MKLN1: variants seen among roughly 807,000 people sequenced by gnomAD.
The protein encoded by MKLN1 is muskelin 1, also known as muskelin.
In MKLN1, 18 loss-of-function variants were observed where a neutral mutation model predicts 99.0. That is an observed-to-expected ratio of 0.18 (90% CI 0.13 to 0.27). The LOEUF is 0.27. MKLN1 is among the 10% of genes least tolerant of loss of function. The pLI, the probability that MKLN1 is intolerant of heterozygous loss-of-function variation, is 1.00. For synonymous variants in MKLN1, 288 were observed against 293.2 expected (o/e 0.98, Z 0.18); for missense variants, 621 against 875.9 (o/e 0.71, Z 3.67).
At chr7:131,273,590 T>C (rs774463933) in intron 3 of MKLN1, among the ~76,000 whole-genome samples, 1 of 152,042 alleles carries the variant, frequency 6.6e-6, no homozygotes, top group Non-Finnish European at 1.5e-5. Context: ...GCTTTGTCTG[T>C]CTAAAGGATC....
intron 16 of MKLN1, among the ~76,000 whole-genome samples, chr7:131,475,527 A>G (rs910009957): frequency 2.6e-5 from 4 of 152,194 alleles, no homozygotes; most frequent in Non-Finnish European, 4.4e-5. Flanking sequence ...TAAAATCCCA[A>G]CAGAAGCTGG....
chr7:131,129,549 T>A (rs539677054), intron 1 of MKLN1, among the ~76,000 whole-genome samples: 46 of 152,314 alleles, frequency 3.0e-4, no homozygotes, highest in African/African-American at 1.1e-3. Flanking sequence ...ATGGAAGATA[T>A]CATGACATCA....
At chr7:131,187,139 C>T (rs979294882) in intron 2 of MKLN1, among the ~76,000 whole-genome samples, 1 of 152,176 alleles carries the variant, frequency 6.6e-6, no homozygotes, top group Non-Finnish European at 1.5e-5. Context: ...TGAAACAAAA[C>T]AAATGAGACA....
intron 2 of MKLN1, among the ~76,000 whole-genome samples, chr7:131,160,170 T>TAATA (rs1390308641): frequency 6.6e-6 from 1 of 152,240 alleles, no homozygotes; most frequent in African/African-American, 2.4e-5. Context: ...TGGAATCATG[T>TAATA]AATATGTGGC....
chr7:131,313,767 T>G (rs1162276408), intron 3 of MKLN1, among the ~76,000 whole-genome samples: 1 of 152,240 alleles, frequency 6.6e-6, no homozygotes, highest in Non-Finnish European at 1.5e-5. Context: ...TCCAGTTGGA[T>G]CACTGAGCTC....
intron 3 of MKLN1, among the ~76,000 whole-genome samples, chr7:131,252,462 G>A (rs886804855): frequency 6.6e-6 from 1 of 150,992 alleles, no homozygotes; most frequent in African/African-American, 2.4e-5. Context: ...CCGAGTAGCT[G>A]GGACTACAGG....
At chr7:131,136,891 G>A (rs1484748381) in intron 1 of MKLN1, among the ~76,000 whole-genome samples, 4 of 152,190 alleles carry the variant, frequency 2.6e-5, no homozygotes, top group Non-Finnish European at 4.4e-5. Context: ...CCACATTTGC[G>A]TGTAGTTCAA....
chr7:131,118,950 C>T (rs1419374008), intron 1 of MKLN1, among the ~76,000 whole-genome samples: 1 of 152,106 alleles, frequency 6.6e-6, no homozygotes, highest in Non-Finnish European at 1.5e-5. Flanking sequence ...CCATCCTGGC[C>T]CCTCCCACAT....
chr7:131,243,885 C>T lies in MKLN1; in HGVS notation c.-179+40911C>T, dbSNP rs113742236. Among the ~76,000 whole-genome samples the T allele has an allele frequency of 6.0e-3, 917 of 152,028 alleles. 7 individuals carry two copies. The highest frequency in any genetic ancestry group is 0.021 in the African/African-American group (875 of 41,460). ...AAAAAATTAGCTGGGCATGGTGGCA[C>T]GTTCCTGTAATCCCAGCTACTCAGG... On this transcript the variant is annotated intron_variant, in intron 3 of 7. Transcript: ENST00000416992.
At chr7:131,202,146 C>CTTTTTTTTTTTTTTTTTTTTT (rs58800874) in intron 2 of MKLN1, among the ~76,000 whole-genome samples, 3 of 60,274 alleles carry the variant, frequency 5.0e-5, no homozygotes, top group Admixed American at 2.2e-4. Flanking sequence ...GCACTATTGA[C>CTTTTTTTTTTTTTTTTTTTTT]TTTTTTTTTT....
intron 2 of MKLN1, among the ~76,000 whole-genome samples, chr7:131,151,122 A>G (rs964069017): frequency 6.6e-6 from 1 of 152,184 alleles, no homozygotes; most frequent in Non-Finnish European, 1.5e-5. Context: ...ATGGCCTTAC[A>G]TTTATTTCAG....
At chr7:131,358,745 CTT>C (rs1799948541) in intron 1 of MKLN1, among the ~76,000 whole-genome samples, 1 of 152,028 alleles carries the variant, frequency 6.6e-6, no homozygotes, top group Admixed American at 6.5e-5. Flanking sequence ...GCTTTCTCGA[CTT>C]TTGGTAGTTT....
intron 1 of MKLN1, among the ~76,000 whole-genome samples, chr7:131,337,158 T>C (rs1014734853): frequency 1.3e-5 from 2 of 152,156 alleles, no homozygotes; most frequent in Non-Finnish European, 2.9e-5. Context: ...CATTCTCTTT[T>C]TCTTTAAGTT....
intron 2 of MKLN1, among the ~76,000 whole-genome samples, chr7:131,189,674 G>A (rs1276875523): frequency 1.3e-5 from 2 of 152,112 alleles, no homozygotes; most frequent in African/African-American, 4.8e-5. Context: ...CTCAGACTTC[G>A]TGGAGCTGCC....
In MKLN1 at chr7:131,487,368, C is replaced by T. The variant is rs1312958890; in HGVS notation, c.2087-239C>T. On this transcript the variant is annotated intron_variant, in intron 17 of 17. Coordinates refer to ENST00000352689, the MANE Select transcript of MKLN1 (RefSeq NM_013255.5). The surrounding 1 kb of genome is among the most constrained non-coding windows in gnomAD (Gnocchi z 4.7). ...CTGCACAATAACTGTATGAAGTAAA[C>T]AGGATTATCACATACTTACAGCTGA... is the stretch of plus-strand genomic sequence containing the variant. Among the ~76,000 whole-genome samples, 1 of 152,084 alleles carries T rather than the reference C, an allele frequency of 6.6e-6. No individual in the cohort carries two copies. The highest frequency in any genetic ancestry group is 1.5e-5 in the Non-Finnish European group (1 of 68,000).
chr7:131,351,979 A>T (rs1799733308), intron 1 of MKLN1, among the ~76,000 whole-genome samples: 1 of 152,072 alleles, frequency 6.6e-6, no homozygotes, highest in South Asian at 2.1e-4. Context: ...TCCCTTGTCT[A>T]TTTGAGCTTT....
At chr7:131,111,662 A>G (rs899377558) in intron 1 of MKLN1, among the ~76,000 whole-genome samples, 1 of 152,214 alleles carries the variant, frequency 6.6e-6, no homozygotes, top group African/African-American at 2.4e-5. Flanking sequence ...CCTAGAAAAA[A>G]AAAACATCAT....
At chr7:131,223,430 A>C (rs1025611643) in intron 3 of MKLN1, among the ~76,000 whole-genome samples, 1 of 152,172 alleles carries the variant, frequency 6.6e-6, no homozygotes, top group African/African-American at 2.4e-5. Flanking sequence ...GACTTTGCCT[A>C]GTAAAACTGG....
chr7:131,184,602 G>A (rs1796422518), intron 2 of MKLN1, among the ~76,000 whole-genome samples: 1 of 151,624 alleles, frequency 6.6e-6, no homozygotes, highest in Admixed American at 6.6e-5. Context: ...TCGGTTTACT[G>A]CAACCTCCGC....
Sources: allele counts gnomAD v4.1 joint callset (sites outside exome capture counted in the v4.1 genomes callset), GRCh38; gene constraint gnomAD v4.1.1; non-coding constraint Gnocchi (gnomAD v3.1); transcripts MANE v1.5; gene names NCBI Gene and HGNC (gene_info 2026-07-23, HGNC 2026-07-21).